Variants in NELL1 observed in about 807,000 individuals in gnomAD.
The protein encoded by NELL1 is protein kinase C-binding protein NELL1.
NELL1 carries 76 observed loss-of-function variants against 107.4 expected under a neutral mutation model. That is an observed-to-expected ratio of 0.71 (90% CI 0.59 to 0.86). The LOEUF is 0.86. Ranked by LOEUF, NELL1 falls within the 40% of genes least tolerant of loss-of-function variation. The pLI, the probability that NELL1 is intolerant of heterozygous loss-of-function variation, is 0.00. For synonymous variants in NELL1, 353 were observed against 341.2 expected (o/e 1.03, Z -0.38); for missense variants, 1,024 against 1,005.5 (o/e 1.02, Z -0.25).
chr11:20,936,185 G>C (rs1309204680), intron 9 of NELL1, among the ~76,000 whole-genome samples: 1 of 152,138 alleles, frequency 6.6e-6, no homozygotes, highest in Admixed American at 6.5e-5. Context: ...AGCTGGAATG[G>C]CCCTTCGGAG....
chr11:21,375,885 C>T (rs867089997), intron 15 of NELL1, among the ~76,000 whole-genome samples: 1 of 151,294 alleles, frequency 6.6e-6, no homozygotes, highest in East Asian at 2.0e-4. Context: ...TGTCTCTTGT[C>T]AATGGAGTTA....
At chr11:21,516,248 T>A (rs769294360) in intron 15 of NELL1, among the ~76,000 whole-genome samples, 1 of 152,204 alleles carries the variant, frequency 6.6e-6, no homozygotes, top group Non-Finnish European at 1.5e-5. Context: ...AGGGTTGCTA[T>A]GGTGACTAAA....
chr11:21,345,690 C>A (rs531403672), intron 14 of NELL1, among the ~76,000 whole-genome samples: 1 of 152,300 alleles, frequency 6.6e-6, no homozygotes, highest in South Asian at 2.1e-4. Flanking sequence ...AGCACGACTT[C>A]GCTGACTGCT....
At chr11:21,515,368 G>A (rs1855531232) in intron 15 of NELL1, among the ~76,000 whole-genome samples, 1 of 152,170 alleles carries the variant, frequency 6.6e-6, no homozygotes, top group South Asian at 2.1e-4. Flanking sequence ...AGAGGAAGCA[G>A]ATATCATCAA....
chr11:21,424,686 G>T (rs897647082), intron 15 of NELL1, among the ~76,000 whole-genome samples: 1 of 151,960 alleles, frequency 6.6e-6, no homozygotes, highest in African/African-American at 2.4e-5. Flanking sequence ...TATCTAATTT[G>T]GTAATGAGGA....
chr11:20,892,785 CG>C (rs1849643425), intron 5 of NELL1, among the ~76,000 whole-genome samples: 1 of 151,994 alleles, frequency 6.6e-6, no homozygotes, highest in Non-Finnish European at 1.5e-5. Flanking sequence ...AAAACTTAGC[CG>C]GGTGTGGCGG....
chr11:21,295,735 C>G (rs186438307), intron 14 of NELL1, among the ~76,000 whole-genome samples: 43 of 152,062 alleles, frequency 2.8e-4, no homozygotes, highest in African/African-American at 9.4e-4. Context: ...AACATTGGAA[C>G]TCAGTGTGGT....
At chr11:21,356,630 T>C (rs1850940176) in intron 14 of NELL1, among the ~76,000 whole-genome samples, 1 of 152,226 alleles carries the variant, frequency 6.6e-6, no homozygotes, top group Non-Finnish European at 1.5e-5. Flanking sequence ...CTGTAGCGCA[T>C]AGTAGATGCT....
intron 13 of NELL1, among the ~76,000 whole-genome samples, chr11:21,150,586 G>A (rs544331668): frequency 4.1e-4 from 63 of 152,304 alleles, no homozygotes; most frequent in African/African-American, 1.5e-3. Context: ...CATGGCCTGG[G>A]CAATAGGACA....
chr11:21,454,577 A>G (rs933655810), intron 15 of NELL1, among the ~76,000 whole-genome samples: 3 of 152,256 alleles, frequency 2.0e-5, no homozygotes, highest in African/African-American at 7.2e-5. Context: ...TTAAAAATGA[A>G]AAAGAATACA....
At chr11:20,930,229 C>T (rs1320888954) in intron 9 of NELL1, among the ~76,000 whole-genome samples, 1 of 152,102 alleles carries the variant, frequency 6.6e-6, no homozygotes, top group Non-Finnish European at 1.5e-5. Context: ...ATGGAAAGTT[C>T]ACCCATAATA....
intron 14 of NELL1, among the ~76,000 whole-genome samples, chr11:21,364,482 G>T (rs1343669890): frequency 6.7e-6 from 1 of 150,242 alleles, no homozygotes; most frequent in African/African-American, 2.5e-5. Context: ...GGACTAAAAG[G>T]GTAAACAAGT....
intron 12 of NELL1, among the ~76,000 whole-genome samples, chr11:20,991,596 C>T (rs1851972694): frequency 6.6e-6 from 1 of 152,152 alleles, no homozygotes. Flanking sequence ...AATAAAACAA[C>T]AATGGAGAAG....
intron 12 of NELL1, among the ~76,000 whole-genome samples, chr11:21,075,357 G>A (rs544798110): frequency 3.5e-4 from 53 of 150,794 alleles, no homozygotes; most frequent in African/African-American, 1.3e-3. Flanking sequence ...GCTACACTCT[G>A]AATACTCTTT....
At chr11:21,333,349 C>A (rs1360818708) in intron 14 of NELL1, among the ~76,000 whole-genome samples, 1 of 151,996 alleles carries the variant, frequency 6.6e-6, no homozygotes, top group Non-Finnish European at 1.5e-5. Context: ...TGAAATCAGA[C>A]AATGTAGGTA....
At chr11:20,881,522 G>A (rs905126246) in intron 4 of NELL1, among the ~76,000 whole-genome samples, 3 of 152,070 alleles carry the variant, frequency 2.0e-5, no homozygotes, top group Admixed American at 1.3e-4. Context: ...CCCACCTGAG[G>A]GTGTTGTTAT....
chr11:21,135,801 G>A (rs1316234368), intron 13 of NELL1, among the ~76,000 whole-genome samples: 1 of 151,786 alleles, frequency 6.6e-6, no homozygotes, highest in East Asian at 1.9e-4. Context: ...GTAACTTTAT[G>A]TATTTTCATA....
At chr11:20,693,493 T>C (rs1854527702) in intron 2 of NELL1, among the ~76,000 whole-genome samples, 1 of 152,162 alleles carries the variant, frequency 6.6e-6, no homozygotes, top group South Asian at 2.1e-4. Flanking sequence ...GTTGACAAAA[T>C]CTCTCAGCAT....
chr11:21,435,130 G>C (rs914733994), intron 15 of NELL1, among the ~76,000 whole-genome samples: 9 of 151,966 alleles, frequency 5.9e-5, no homozygotes, highest in African/African-American at 1.9e-4. Flanking sequence ...CAGTAAAGAG[G>C]GAATTCTGCT....
Sources: gnomAD v4.1 joint callset for allele counts (sites outside exome capture counted in the v4.1 genomes callset) on GRCh38, gnomAD v4.1.1 for gene constraint, MANE v1.5 for transcripts, NCBI Gene and HGNC (gene_info 2026-07-23, HGNC 2026-07-21) for gene names.